CREB5: variants seen among roughly 807,000 people sequenced by gnomAD.
CREB5 encodes the protein cyclic AMP-responsive element-binding protein 5.
In CREB5, 19 loss-of-function variants were observed where a neutral mutation model predicts 57.1. That is an observed-to-expected ratio of 0.33 (90% confidence interval 0.23 to 0.49). The LOEUF (loss-of-function observed/expected upper bound fraction) is 0.49, where lower values mean the gene tolerates loss of function less well. CREB5 is among the 20% of genes least tolerant of loss of function. CREB5 has a pLI of 0.99. For synonymous variants in CREB5, 238 were observed against 238.3 expected, an observed-to-expected ratio of 1.00 and a Z score of 0.01; for missense variants, 579 against 671.6, an observed-to-expected ratio of 0.86 and a Z score of 1.52.
At chr7:28,299,994 TA>T (rs1456261597) in intron 1 of CREB5, among the ~76,000 whole-genome samples, 1 of 152,226 alleles carries the variant, frequency 6.6e-6, no homozygotes, top group Non-Finnish European at 1.5e-5. Context: ...CATTTTTGTG[TA>T]ATGTGTTGCC....
At chr7:28,486,444 G>T (rs1791547354) in intron 1 of CREB5, among the ~76,000 whole-genome samples, 1 of 151,552 alleles carries the variant, frequency 6.6e-6, no homozygotes, top group African/African-American at 2.4e-5. Context: ...AAGGTGACTT[G>T]TGAATCCTAT....
intron 1 of CREB5, among the ~76,000 whole-genome samples, chr7:28,424,183 C>T (rs948997473): frequency 3.3e-5 from 5 of 152,156 alleles, no homozygotes; most frequent in Non-Finnish European, 5.9e-5. Flanking sequence ...CACTAATGAC[C>T]TCATTTTAAC....
intron 7 of CREB5, among the ~76,000 whole-genome samples, chr7:28,773,864 A>T (rs1806474781): frequency 6.6e-6 from 1 of 152,196 alleles, no homozygotes; most frequent in Admixed American, 6.5e-5. Flanking sequence ...TAAGAGCCTT[A>T]GTCACTTAAT....
chr7:28,813,676 C>T (rs1001163878), intron 9 of CREB5, among the ~76,000 whole-genome samples: 8 of 152,030 alleles, frequency 5.3e-5, no homozygotes, highest in Admixed American at 4.6e-4. Context: ...TAATGACATC[C>T]CCAAAGCTGA....
chr7:28,794,068 A>AT (rs1302829810), intron 7 of CREB5, among the ~76,000 whole-genome samples: 1 of 152,112 alleles, frequency 6.6e-6, no homozygotes, highest in Non-Finnish European at 1.5e-5. Context: ...ATTAGCATGG[A>AT]TTTTCCATGG....
rs1554281561 is a variant in CREB5 at position 28,658,957 on chromosome 7, A to ATATATATATATATATATATATGTG, written c.465-59775_465-59774insGTGTATATATATATATATATATAT. The stretch of plus-strand genomic sequence containing the variant: ...AAATATTATATGTGTGTGTGTGTAT[A>ATATATATATATATATATATATGTG]TATATATATATATATATATATATGT... On this transcript the variant is annotated intron_variant, in intron 5 of 10. Coordinates refer to ENST00000357727, the MANE Select transcript of CREB5 (RefSeq NM_182898.4). Among the ~76,000 whole-genome samples the ATATATATATATATATATATATGTG allele has an allele frequency of 4.9e-3, 543 of 111,750 alleles. 31 individuals carry two copies. Among genetic ancestry groups the ATATATATATATATATATATATGTG allele is most frequent in the East Asian group, 0.021 (91 of 4,396 alleles). The allele number at this position is 111,750 out of a possible 152,430, so 73.3% of individuals were successfully genotyped here.
chr7:28,721,924 A>G (rs1463900118), intron 6 of CREB5, among the ~76,000 whole-genome samples: 2 of 152,180 alleles, frequency 1.3e-5, no homozygotes, highest in South Asian at 2.1e-4. Context: ...TTACATGGCT[A>G]TTTTACCTGC....
intron 4 of CREB5, among the ~76,000 whole-genome samples, chr7:28,535,773 C>G (rs1221090890): frequency 6.6e-6 from 1 of 152,070 alleles, no homozygotes. Context: ...CATGAATTTT[C>G]TAGGAAAGGT....
chr7:28,672,210 CACACAA>C (rs1800087605), intron 5 of CREB5, among the ~76,000 whole-genome samples: 1 of 151,688 alleles, frequency 6.6e-6, no homozygotes, highest in African/African-American at 2.4e-5. Context: ...CACACACACA[CACACAA>C]ACACTGGACT....
Position 28,787,640 on chromosome 7 carries a change from G to A in CREB5, c.703-16559G>A, listed in dbSNP as rs1023355953. Among the ~76,000 whole-genome samples, 6 of 152,238 alleles carry A rather than the reference G, an allele frequency of 3.9e-5. No individual in the cohort carries two copies. In the East Asian group the frequency reaches 7.7e-4, roughly 20 times the overall value. Reference sequence around the variant, plus strand: ...AAAGCGCAGGCTGCACTGCAGCCTCGACCTCCCTGGATCAAGCCATCCTCC... The same window carrying A: ...AAAGCGCAGGCTGCACTGCAGCCTCAACCTCCCTGGATCAAGCCATCCTCC... On this transcript the variant is annotated intron_variant, in intron 7 of 10. Coordinates refer to ENST00000357727, the MANE Select transcript of CREB5 (RefSeq NM_182898.4).
chr7:28,468,894 G>A (rs1383341908), intron 1 of CREB5, among the ~76,000 whole-genome samples: 1 of 152,222 alleles, frequency 6.6e-6, no homozygotes, highest in Admixed American at 6.5e-5. Context: ...CCAAGATCAT[G>A]TAGGTCTTAA....
At chr7:28,332,767 G>A (rs1412672788) in intron 1 of CREB5, among the ~76,000 whole-genome samples, 2 of 152,006 alleles carry the variant, frequency 1.3e-5, no homozygotes, top group Non-Finnish European at 2.9e-5. Context: ...AACTTATCAT[G>A]GGCATCTCTC....
chr7:28,727,811 T>C (rs1172875037), intron 7 of CREB5, among the ~76,000 whole-genome samples: 1 of 152,138 alleles, frequency 6.6e-6, no homozygotes, highest in Non-Finnish European at 1.5e-5. Context: ...CACCTTAAGT[T>C]TATTCAGAGT....
chr7:28,342,443 C>T (rs943056714), intron 1 of CREB5, among the ~76,000 whole-genome samples: 14 of 152,160 alleles, frequency 9.2e-5, no homozygotes, highest in Admixed American at 2.0e-4. Context: ...GTTTAAATTA[C>T]TGAATACTCA....
intron 1 of CREB5, among the ~76,000 whole-genome samples, chr7:28,403,668 G>A (rs189257702): frequency 1.0e-3 from 152 of 152,250 alleles, no homozygotes; most frequent in African/African-American, 3.6e-3. Flanking sequence ...CAGCATGTGA[G>A]CATGGAGCTG....
chr7:28,394,538 G>T (rs369246519), intron 1 of CREB5, among the ~76,000 whole-genome samples: 8 of 152,132 alleles, frequency 5.3e-5, no homozygotes, highest in African/African-American at 1.9e-4. Context: ...ATCTGGAGTC[G>T]CTGTATTAAT....
intron 1 of CREB5, among the ~76,000 whole-genome samples, chr7:28,350,448 C>T (rs533364782): frequency 6.6e-6 from 1 of 151,916 alleles, no homozygotes; most frequent in African/African-American, 2.4e-5. Flanking sequence ...TTTTTGCCTC[C>T]TTAAAACTTC....
rs1430755678 is a variant in CREB5, at chr7:28,819,114, A to G, written c.1364-2A>G. The G allele has an allele frequency of 3.1e-6, 5 of 1,609,856 alleles. No homozygotes were observed. ...GTGTGTTGTCTTTTTTTTTCTCCCT[A>G]GGTCCAGAGAGTAGCCCTCCTGCTA... is the stretch of plus-strand genomic sequence containing the variant. On this transcript the variant is annotated splice_acceptor_variant, in intron 10 of 10. Transcript: ENST00000357727. LOFTEE classifies it high-confidence loss of function.
Position 28,683,093 on chromosome 7 carries a change from G to T in CREB5, c.465-35660G>T, listed in dbSNP as rs563546924. Among the ~76,000 whole-genome samples, 5 of 152,308 alleles carry T rather than the reference G, an allele frequency of 3.3e-5. No homozygotes were observed. In the East Asian group the frequency reaches 9.7e-4, roughly 29 times the overall value. ...TGGAGACCTAGCCTGTTGGCCGGGG[G>T]CTACTTCTAAGAAGCCTCCCTCTGG... On this transcript the variant is annotated intron_variant, in intron 5 of 10. Transcript: ENST00000357727.
Sources: gnomAD v4.1 joint callset for allele counts (sites outside exome capture counted in the v4.1 genomes callset) on GRCh38, gnomAD v4.1.1 for gene constraint, MANE v1.5 for transcripts, NCBI Gene and HGNC (gene_info 2026-07-23, HGNC 2026-07-21) for gene names.